Variants in CRIM1 observed in about 807,000 individuals in gnomAD.
The protein encoded by CRIM1 is cysteine-rich motor neuron 1 protein.
CRIM1 carries 32 observed loss-of-function variants against 116.4 expected under a neutral mutation model. The observed-to-expected ratio is 0.27, with a 90% confidence interval of 0.21 to 0.37. The LOEUF (loss-of-function observed/expected upper bound fraction) is 0.37, where lower values mean the gene tolerates loss of function less well. CRIM1 is among the 10% of genes least tolerant of loss of function. The pLI, the probability that CRIM1 is intolerant of heterozygous loss-of-function variation, is 1.00. For synonymous variants in CRIM1, 590 were observed against 509.2 expected (o/e 1.16, Z -2.13); for missense variants, 1,331 against 1,354.8 (o/e 0.98, Z 0.28).
At chr2:36,380,197 A>G (rs1670636305) in intron 1 of CRIM1, among the ~76,000 whole-genome samples, 1 of 152,182 alleles carries the variant, frequency 6.6e-6, no homozygotes, top group African/African-American at 2.4e-5. Context: ...CCAGCTCTGC[A>G]TCCTTCTCCA....
Position 36,547,139 on chromosome 2 carries a change from C to T in CRIM1, c.2902C>T (p.Pro968Ser), listed in dbSNP as rs1331151648. Residue 968 changes from proline (P) to serine (S), a missense_variant, in exon 16 of 17, where the codon CCA becomes TCA. Coordinates refer to ENST00000280527, the MANE Select transcript of CRIM1 (RefSeq NM_016441.3). ...CATCAATCAGAAGAAACAGTGGATA[C>T]CACTGCTTTGCTGGTATCGAACACC... ...LFINQKKQWI[P>S]LLCWYRTPTK... The T allele has an allele frequency of 6.2e-7, 1 of 1,612,832 alleles. No individual in the cohort carries two copies. The highest frequency in any genetic ancestry group is 8.5e-7 in the Non-Finnish European group (1 of 1,179,320).
intron 7 of CRIM1, among the ~76,000 whole-genome samples, chr2:36,492,526 T>A (rs542950008): frequency 2.6e-5 from 4 of 152,286 alleles, no homozygotes; most frequent in African/African-American, 9.6e-5. Flanking sequence ...TAGCTTCATT[T>A]GGGAAAATTT....
intron 2 of CRIM1, among the ~76,000 whole-genome samples, chr2:36,398,776 A>G (rs917750900): frequency 7.2e-5 from 11 of 152,208 alleles, no homozygotes; most frequent in African/African-American, 2.7e-4. Flanking sequence ...GGATTAGGGG[A>G]TTTCCCTTTT....
intron 4 of CRIM1, among the ~76,000 whole-genome samples, chr2:36,451,923 G>A (rs534502341): frequency 9.0e-6 from 1 of 111,560 alleles, no homozygotes; most frequent in South Asian, 3.5e-4. Context: ...ATTTCCTGTA[G>A]ATCCATGTGC....
Position 36,360,889 on chromosome 2 carries a change from G to A in CRIM1, c.331+4266G>A, listed in dbSNP as rs367890872. Among the ~76,000 whole-genome samples the A allele has an allele frequency of 8.5e-5, 13 of 152,170 alleles. No individual in the cohort carries two copies. In the East Asian group the frequency reaches 2.5e-3, roughly 29 times the overall value. On this transcript the variant is annotated intron_variant, in intron 1 of 16. Coordinates refer to ENST00000280527, the MANE Select transcript of CRIM1 (RefSeq NM_016441.3). The stretch of plus-strand genomic sequence containing the variant: ...CTCTTGGCTTTGTTTTGGAATAATG[G>A]GTTTCATTTTTCCTCTCAGAAGTCC...
chr2:36,517,374 C>T lies in CRIM1; in HGVS notation c.2038C>T (p.His680Tyr). 6.2e-7 allele frequency: 1 copy of T among 1,614,188 alleles called. No individual in the cohort carries two copies. The highest frequency in any genetic ancestry group is 8.5e-7 in the Non-Finnish European group (1 of 1,180,024). ...AGAGCTCAGTACTCCCTCCATTTGCCACGCCCCTGGAGGAGAATACTTTGT... is the reference window on the plus strand; with the variant it reads ...AGAGCTCAGTACTCCCTCCATTTGCTACGCCCCTGGAGGAGAATACTTTGT... ...KPELSTPSIC[H>Y]APGGEYFVEG... The change falls in exon 12 of 17, where the codon CAC becomes TAC. Residue 680 changes from histidine (H) to tyrosine (Y), a missense_variant. Around this residue, in one of 3 missense-constraint regions of CRIM1, gnomAD observed 358 missense variants for 436.1 expected, o/e 0.82. Coordinates refer to ENST00000280527, the MANE Select transcript of CRIM1 (RefSeq NM_016441.3).
At chr2:36,476,826 AC>A in intron 5 of CRIM1, 62 bp from the exon 6 acceptor site, 1 of 1,386,322 alleles carries the variant, frequency 7.2e-7, no homozygotes, top group African/African-American at 1.5e-5. Flanking sequence ...TGTTTGAAAA[AC>A]ATCAAAGGAC....
At chr2:36,518,941 T>C (rs566948969) in intron 12 of CRIM1, among the ~76,000 whole-genome samples, 2 of 152,334 alleles carry the variant, frequency 1.3e-5, no homozygotes, top group South Asian at 2.1e-4. Flanking sequence ...AAAACAGACA[T>C]GATTCCTGTC....
chr2:36,399,462 A>G (rs1166027379), intron 2 of CRIM1, among the ~76,000 whole-genome samples: 4 of 152,236 alleles, frequency 2.6e-5, no homozygotes, highest in Non-Finnish European at 4.4e-5. Flanking sequence ...GGAAGAACCT[A>G]CGGTATCTGC....
intron 4 of CRIM1, among the ~76,000 whole-genome samples, chr2:36,443,599 C>G (rs3770883): frequency 0.15 from 23,519 of 152,156 alleles, 2,192 homozygotes; most frequent in East Asian, 0.47. Flanking sequence ...TTATTTAACT[C>G]AATTTCCAAC....
At chr2:36,421,794 C>T (rs1674086740) in intron 2 of CRIM1, among the ~76,000 whole-genome samples, 1 of 152,158 alleles carries the variant, frequency 6.6e-6, no homozygotes, top group South Asian at 2.1e-4. Context: ...GTGTCTCTTG[C>T]TCTTTCCCTC....
At chr2:36,486,309 G>C (rs986312337) in intron 7 of CRIM1, among the ~76,000 whole-genome samples, 2 of 152,190 alleles carry the variant, frequency 1.3e-5, no homozygotes, top group Admixed American at 1.3e-4. Flanking sequence ...TAATAGAGAA[G>C]AAATGTTTAT....
At chr2:36,438,843 C>T (rs147748593) in intron 2 of CRIM1, among the ~76,000 whole-genome samples, 1 of 152,324 alleles carries the variant, frequency 6.6e-6, no homozygotes, top group Non-Finnish European at 1.5e-5. Context: ...CCAAGTTTCA[C>T]ATCACCACAT....
intron 14 of CRIM1, among the ~76,000 whole-genome samples, chr2:36,538,062 C>G (rs1458469288): frequency 6.6e-6 from 1 of 152,224 alleles, no homozygotes; most frequent in East Asian, 1.9e-4. Flanking sequence ...CTCAGCTGAA[C>G]TGCCCATCTC....
chr2:36,412,594 C>G (rs1484616797), intron 2 of CRIM1, among the ~76,000 whole-genome samples: 1 of 152,054 alleles, frequency 6.6e-6, no homozygotes, highest in African/African-American at 2.4e-5. Context: ...GTCATACTAA[C>G]CTTTGTATCA....
At chr2:36,541,619 C>G (rs758088988) in intron 14 of CRIM1, among the ~76,000 whole-genome samples, 2 of 152,210 alleles carry the variant, frequency 1.3e-5, no homozygotes, top group South Asian at 4.1e-4. Flanking sequence ...GAAGGCAACT[C>G]TTAGAGATGA....
chr2:36,516,714 A>T (rs952066016), intron 11 of CRIM1, among the ~76,000 whole-genome samples: 1 of 152,196 alleles, frequency 6.6e-6, no homozygotes, highest in African/African-American at 2.4e-5. Flanking sequence ...ACAGCAGGAC[A>T]TATTTCCAAG....
chr2:36,549,843 A>G lies in CRIM1; in HGVS notation c.*1142A>G, dbSNP rs1030531477. On this transcript the variant is annotated 3_prime_UTR_variant, in exon 17 of 17. Coordinates refer to ENST00000280527, the MANE Select transcript of CRIM1 (RefSeq NM_016441.3). ...ATTTGTGTGCATGTGTATATAATAT[A>G]TATATATACATATATATTTATACAC... 2 of 151,532 alleles carry G rather than the reference A, an allele frequency of 1.3e-5. No individual in the cohort carries two copies. The highest frequency in any genetic ancestry group is 1.3e-4 in the Admixed American group (2 of 15,128). The allele number at this position is 151,532 out of a possible 1,614,324, so 9.4% of individuals were successfully genotyped here. A position where few individuals can be genotyped will look rare whatever the true frequency, so the allele number is the denominator to read the frequency against.
chr2:36,476,810 A>G, intron 5 of CRIM1, 79 bp from the exon 6 acceptor site: 1 of 1,198,690 alleles, frequency 8.3e-7, no homozygotes, highest in African/African-American at 1.5e-5. Context: ...GAAATTTTCT[A>G]GAGGCTGTTT....
Sources: allele counts gnomAD v4.1 joint callset (sites outside exome capture counted in the v4.1 genomes callset), GRCh38; gene constraint gnomAD v4.1.1; regional missense constraint gnomAD v4.1.1; transcripts MANE v1.5; gene names NCBI Gene and HGNC (gene_info 2026-07-23, HGNC 2026-07-21).